The following VPS13A variants were observed in gnomAD, a reference collection of about 807,000 sequenced individuals.
The protein encoded by VPS13A is vacuolar protein sorting 13 homolog A.
A neutral mutation model predicts 390.9 loss-of-function variants in VPS13A; 264 were observed. The observed-to-expected ratio is 0.68, with a 90% CI of 0.61 to 0.75. The LOEUF is 0.75. Ranked by LOEUF, VPS13A falls within the 30% of genes least tolerant of loss-of-function variation. The probability of loss-of-function intolerance (pLI) is 0.00; values close to 1 mark genes in which losing one functional copy is unlikely to be tolerated. For synonymous variants in VPS13A, 1,231 were observed against 1,227.1 expected, an observed-to-expected ratio of 1.00 and a Z score of -0.07; for missense variants, 3,409 against 3,733.9, an observed-to-expected ratio of 0.91 and a Z score of 2.27.
intron 35 of VPS13A, among the ~76,000 whole-genome samples, chr9:77,308,962 G>C (rs1044073565): frequency 6.6e-6 from 1 of 152,102 alleles, no homozygotes; most frequent in African/African-American, 2.4e-5. Context: ...TGTTAAATAT[G>C]AATGGTCAGA....
Position 77,273,283 on chromosome 9 carries a change from C to G in VPS13A, c.2431C>G (p.Gln811Glu), listed in dbSNP as rs535039112. The stretch of plus-strand genomic sequence containing the variant: ...CATTGAATTACTTTTCTTTCAGATT[C>G]AAACATCTACTTCTTTGGGAACATC... Reference protein sequence around the residue: ...VSAPVKSFQIQTSTSLGTSQI... With the variant: ...VSAPVKSFQIETSTSLGTSQI... Residue 811 changes from glutamine to glutamate, a missense_variant, in exon 24 of 72, where the codon CAA becomes GAA. Around this residue, in one of 5 missense-constraint regions of VPS13A, gnomAD observed 2,717 missense variants for 2,917.4 expected, o/e 0.93. Transcript: ENST00000360280. 1.2e-6 allele frequency: 2 copies of G among 1,609,038 alleles called. No individual in the cohort carries two copies. The highest frequency in any genetic ancestry group is 2.7e-5 in the African/African-American group (2 of 74,948).
chr9:77,314,669 G>C lies in VPS13A; in HGVS notation c.4412+5G>C. The C allele has an allele frequency of 6.2e-7, 1 of 1,609,984 alleles. No individual in the cohort carries two copies. The highest frequency in any genetic ancestry group is 8.5e-7 in the Non-Finnish European group (1 of 1,176,872). ...TGTCAAGAAAGCAACTCCTCGGTAT[G>C]TATTGTAATGATGTTCTAAGGTTTT... is the stretch of plus-strand genomic sequence containing the variant. On this transcript the variant is annotated splice_donor_5th_base_variant and intron_variant, in intron 37 of 71. Transcript: ENST00000360280.
At chr9:77,415,183 A>G (rs991103252) in intron 71 of VPS13A, among the ~76,000 whole-genome samples, 1 of 152,190 alleles carries the variant, frequency 6.6e-6, no homozygotes, top group African/African-American at 2.4e-5. Context: ...ACCTGTTTCA[A>G]TTTACCTGCA....
chr9:77,187,600 TACAA>T (rs1824414515), intron 1 of VPS13A, among the ~76,000 whole-genome samples: 3 of 129,208 alleles, frequency 2.3e-5, no homozygotes, highest in African/African-American at 9.9e-5. Context: ...AGAGTTTACA[TACAA>T]ACATACACAC....
intron 33 of VPS13A, among the ~76,000 whole-genome samples, chr9:77,297,205 A>C (rs767389075): frequency 1.8e-4 from 28 of 151,700 alleles, no homozygotes; most frequent in Non-Finnish European, 3.4e-4. Context: ...AAGATTATTG[A>C]TTTGAAACAT....
intron 31 of VPS13A, among the ~76,000 whole-genome samples, chr9:77,291,178 T>A (rs1827635492): frequency 6.6e-6 from 1 of 152,146 alleles, no homozygotes; most frequent in African/African-American, 2.4e-5. Context: ...TAGATTCTCA[T>A]AGTAGGGTGA....
At chr9:77,196,749 TTG>T (rs907857470) in intron 1 of VPS13A, among the ~76,000 whole-genome samples, 18 of 152,154 alleles carry the variant, frequency 1.2e-4, no homozygotes, top group African/African-American at 4.3e-4. Context: ...GTGCATCTGT[TTG>T]TAGACACTTG....
chr9:77,413,126 C>T (rs1229517619), intron 71 of VPS13A, among the ~76,000 whole-genome samples: 3 of 152,208 alleles, frequency 2.0e-5, no homozygotes, highest in Admixed American at 1.3e-4. Flanking sequence ...ACATTCCATG[C>T]TCATGGATAG....
intron 5 of VPS13A, among the ~76,000 whole-genome samples, chr9:77,209,149 T>A (rs1825836806): frequency 6.6e-6 from 1 of 152,206 alleles, no homozygotes; most frequent in East Asian, 1.9e-4. Context: ...CATTTTTAAA[T>A]ATATTTTTGT....
intron 37 of VPS13A, among the ~76,000 whole-genome samples, 195 bp from the exon 38 acceptor site, chr9:77,315,058 C>G (rs767501680): frequency 1.3e-5 from 2 of 152,114 alleles, no homozygotes; most frequent in Non-Finnish European, 2.9e-5. Context: ...TACACTTCCT[C>G]ATTTATGATA....
chr9:77,185,431 C>T (rs1168933367), intron 1 of VPS13A, among the ~76,000 whole-genome samples: 1 of 152,030 alleles, frequency 6.6e-6, no homozygotes, highest in Non-Finnish European at 1.5e-5. Context: ...TGAGCTACTG[C>T]GCCCGGCTCG....
intron 64 of VPS13A, 24 bp downstream of exon 64, chr9:77,370,356 G>GT (rs1171043798): frequency 3.7e-6 from 6 of 1,614,024 alleles, no homozygotes; most frequent in Non-Finnish European, 5.1e-6. Context: ...TATCTACCAA[G>GT]TATTTTTGTG....
At chr9:77,364,537 C>A (rs1284979913) in intron 59 of VPS13A, among the ~76,000 whole-genome samples, 1 of 152,174 alleles carries the variant, frequency 6.6e-6, no homozygotes, top group Non-Finnish European at 1.5e-5. Flanking sequence ...ATGAGAAATG[C>A]TGACGTCCTG....
At position 77,207,254 on chromosome 9, in the gene VPS13A, A is replaced by ATATATATATATATATAT. The variant is rs1564630578; in HGVS notation, c.385+1175_385+1176insTATATATATATATATAT. 2.4e-4 allele frequency among the ~76,000 whole-genome samples: 13 copies of ATATATATATATATATAT among 53,468 alleles called. 1 individual carries two copies. The highest frequency in any genetic ancestry group is 9.0e-4 in the East Asian group (1 of 1,114). 35.1% of individuals were successfully genotyped at this position (53,468 alleles called of 152,430 possible). The stretch of plus-strand genomic sequence containing the variant: ...ATATATATATATATATATATATATA[A>ATATATATATATATATAT]AACGTGTTATATGTAACATAACATG... On this transcript the variant is annotated intron_variant, in intron 5 of 71. Coordinates refer to ENST00000360280, the MANE Select transcript of VPS13A (RefSeq NM_033305.3).
At position 77,283,520 on chromosome 9, in the gene VPS13A, A is replaced by G; in HGVS notation, c.3236-27A>G. 4 of 1,607,244 alleles carry G rather than the reference A, an allele frequency of 2.5e-6. No individual in the cohort carries two copies. The South Asian group carries it at 4.4e-5, about 18-fold the overall frequency. ...AATTAAAAGACATTAAATGAAAGAAAAGGCAGTCATTCTTTTGTTCCCTTA... is the reference window on the plus strand; with the variant it reads ...AATTAAAAGACATTAAATGAAAGAAGAGGCAGTCATTCTTTTGTTCCCTTA... On this transcript the variant is annotated intron_variant, in intron 30 of 71. Coordinates refer to ENST00000360280, the MANE Select transcript of VPS13A (RefSeq NM_033305.3).
At chr9:77,333,020 G>T (rs1830358577) in intron 46 of VPS13A, among the ~76,000 whole-genome samples, 1 of 152,096 alleles carries the variant, frequency 6.6e-6, no homozygotes, top group East Asian at 1.9e-4. Context: ...ACTTGCTGAG[G>T]GAAAGAATTG....
intron 1 of VPS13A, among the ~76,000 whole-genome samples, chr9:77,192,258 A>G (rs1824731499): frequency 6.6e-6 from 1 of 152,184 alleles, no homozygotes; most frequent in South Asian, 2.1e-4. Flanking sequence ...TGGGTCTCAT[A>G]AAGACAACAT....
At chr9:77,185,553 A>G (rs1421089790) in intron 1 of VPS13A, among the ~76,000 whole-genome samples, 1 of 152,144 alleles carries the variant, frequency 6.6e-6, no homozygotes, top group African/African-American at 2.4e-5. Flanking sequence ...CTGGTTATCT[A>G]AGGGTTCTGT....
At chr9:77,312,841 A>G (rs1304102880) in intron 35 of VPS13A, among the ~76,000 whole-genome samples, 1 of 152,202 alleles carries the variant, frequency 6.6e-6, no homozygotes, top group Non-Finnish European at 1.5e-5. Context: ...ACTGATAGGA[A>G]TGTGAAATAG....
Sources: allele counts gnomAD v4.1 joint callset (sites outside exome capture counted in the v4.1 genomes callset), GRCh38; gene constraint gnomAD v4.1.1; regional missense constraint gnomAD v4.1.1; transcripts MANE v1.5; gene names NCBI Gene and HGNC (gene_info 2026-07-23, HGNC 2026-07-21).